The following MDGA2 variants were observed in gnomAD, a reference collection of about 807,000 sequenced individuals.
MDGA2 encodes MAM domain containing glycosylphosphatidylinositol anchor 2, also known as MAM domain-containing glycosylphosphatidylinositol anchor protein 2.
In MDGA2, 40 loss-of-function variants were observed where a neutral mutation model predicts 117.8. The ratio of observed to expected loss-of-function variants is 0.34; its 90% CI spans 0.26 to 0.44. The LOEUF (loss-of-function observed/expected upper bound fraction) is 0.44. Ranked by LOEUF, MDGA2 falls within the 20% of genes least tolerant of loss-of-function variation. The pLI is 1.00. For synonymous variants in MDGA2, 452 were observed against 439.0 expected, an observed-to-expected ratio of 1.03 and a Z score of -0.37; for missense variants, 1,123 against 1,250.6, an observed-to-expected ratio of 0.90 and a Z score of 1.54.
chr14:47,383,847 A>T (rs1017802550), intron 1 of MDGA2, among the ~76,000 whole-genome samples: 4 of 152,146 alleles, frequency 2.6e-5, no homozygotes, highest in Non-Finnish European at 5.9e-5. Flanking sequence ...TTGCTAATGC[A>T]CAAAGCACTC....
chr14:46,990,068 C>A (rs947069177), intron 8 of MDGA2, among the ~76,000 whole-genome samples: 5 of 152,074 alleles, frequency 3.3e-5, no homozygotes, highest in African/African-American at 7.2e-5. Flanking sequence ...AGGTTCAAAT[C>A]CAGACTTTAT....
intron 1 of MDGA2, among the ~76,000 whole-genome samples, chr14:47,474,779 A>G (rs1375989759): frequency 1.3e-5 from 2 of 152,212 alleles, no homozygotes; most frequent in Non-Finnish European, 2.9e-5. Flanking sequence ...CTGGCTAGCC[A>G]TATGCAGAAA....
At chr14:47,335,747 T>TACAC (rs1555374517) in intron 1 of MDGA2, among the ~76,000 whole-genome samples, 9 of 68,662 alleles carry the variant, frequency 1.3e-4, no homozygotes, top group East Asian at 4.2e-4. Context: ...TATATATATA[T>TACAC]ACATACATAC....
intron 1 of MDGA2, among the ~76,000 whole-genome samples, chr14:47,369,125 A>C (rs1457892326): frequency 6.6e-6 from 1 of 152,170 alleles, no homozygotes; most frequent in Non-Finnish European, 1.5e-5. Flanking sequence ...ACATACGTAG[A>C]TAGAAAACAT....
At chr14:47,402,357 A>AAAG (rs370022080) in intron 1 of MDGA2, among the ~76,000 whole-genome samples, 150 of 137,880 alleles carry the variant, frequency 1.1e-3, no homozygotes, top group African/African-American at 3.6e-3. Flanking sequence ...CCGCAAAAAA[A>AAAG]AGAGAGAGAG....
intron 2 of MDGA2, among the ~76,000 whole-genome samples, chr14:47,281,658 A>AT: frequency 6.6e-6 from 1 of 152,328 alleles, no homozygotes; most frequent in South Asian, 2.1e-4. Flanking sequence ...TTTAGCAGTC[A>AT]TTGATGATCA....
At chr14:47,428,455 A>T (rs1166351875) in intron 1 of MDGA2, among the ~76,000 whole-genome samples, 1 of 152,122 alleles carries the variant, frequency 6.6e-6, no homozygotes, top group Non-Finnish European at 1.5e-5. Context: ...CTACATAAAG[A>T]TTAATTTTCA....
chr14:47,402,682 T>C (rs1305315237), intron 1 of MDGA2, among the ~76,000 whole-genome samples: 3 of 152,194 alleles, frequency 2.0e-5, no homozygotes, highest in Non-Finnish European at 2.9e-5. Flanking sequence ...TTGTATAGCA[T>C]TATGTAGTTT....
In MDGA2 at chr14:47,002,565, T is replaced by C. The variant is rs139468995; in HGVS notation, c.1819+32446A>G. Reference sequence around the variant, plus strand: ...CAATATGGCAAAACCCTGTCTCTAATAAACAGAAAAAAAATTAGCCAGGCA... The same window carrying C: ...CAATATGGCAAAACCCTGTCTCTAACAAACAGAAAAAAAATTAGCCAGGCA... On this transcript the variant is annotated intron_variant, in intron 8 of 16. Transcript: ENST00000399232. 2.6e-4 allele frequency among the ~76,000 whole-genome samples: 39 copies of C among 151,930 alleles called. No homozygotes were observed. The East Asian group carries it at 6.8e-3, about 27-fold the overall frequency.
At chr14:46,885,307 G>C (rs886774368) in intron 10 of MDGA2, among the ~76,000 whole-genome samples, 3 of 152,026 alleles carry the variant, frequency 2.0e-5, no homozygotes, top group African/African-American at 7.2e-5. Context: ...ACAAGCCAGA[G>C]GTTTGAAGAA....
At position 46,881,065 on chromosome 14, in the gene MDGA2, T is replaced by C. The variant is rs374437476; in HGVS notation, c.2416+979A>G. On this transcript the variant is annotated intron_variant, in intron 11 of 16. Transcript: ENST00000399232. ...ACAAACATTTAGCATTTTTTAACAT[T>C]AGCAATATGAAAAATGAATGGCCAC... 4.7e-5 allele frequency among the ~76,000 whole-genome samples: 7 copies of C among 148,740 alleles called. No homozygotes were observed. In the South Asian group the frequency reaches 8.4e-4, roughly 18 times the overall value.
intron 1 of MDGA2, among the ~76,000 whole-genome samples, chr14:47,433,291 C>T (rs1892835444): frequency 6.6e-6 from 1 of 151,938 alleles, no homozygotes; most frequent in Non-Finnish European, 1.5e-5. Flanking sequence ...CTTCCTTCTA[C>T]TTGGTTTCTT....
chr14:47,051,845 G>A (rs964611448), intron 7 of MDGA2, among the ~76,000 whole-genome samples: 31 of 151,880 alleles, frequency 2.0e-4, no homozygotes, highest in Non-Finnish European at 4.0e-4. Flanking sequence ...TGGTAGGTTA[G>A]TAGTGTCATC....
Position 47,257,240 on chromosome 14 carries a change from C to T in MDGA2, c.421-39045G>A, listed in dbSNP as rs571291649. Among the ~76,000 whole-genome samples, 35 of 152,282 alleles carry T rather than the reference C, an allele frequency of 2.3e-4. No homozygotes were observed. The South Asian group carries it at 6.6e-3, about 29-fold the overall frequency. On this transcript the variant is annotated intron_variant, in intron 2 of 16. Transcript: ENST00000399232. ...CTTGCTTGTCAGATCTTATCTCCTA[C>T]ACTCTCATAGCCCACACCAGTCCTC...
chr14:47,286,819 A>ATATATG (rs1425896007), intron 2 of MDGA2, among the ~76,000 whole-genome samples: 1 of 118,190 alleles, frequency 8.5e-6, no homozygotes, highest in African/African-American at 2.8e-5. Context: ...ATATATATAT[A>ATATATG]TATATACATA....
chr14:47,365,019 T>G (rs1011516956), intron 1 of MDGA2, among the ~76,000 whole-genome samples: 82 of 152,336 alleles, frequency 5.4e-4, no homozygotes, highest in African/African-American at 1.9e-3. Context: ...TTTAAGTCAA[T>G]TTGAAGAAAA....
At chr14:46,853,025 A>G (rs1236814381) in intron 15 of MDGA2, among the ~76,000 whole-genome samples, 1 of 152,010 alleles carries the variant, frequency 6.6e-6, no homozygotes, top group African/African-American at 2.4e-5. Context: ...CCAAGAACTT[A>G]TACAGATATT....
At chr14:47,189,436 C>G (rs1885029857) in intron 3 of MDGA2, among the ~76,000 whole-genome samples, 1 of 152,112 alleles carries the variant, frequency 6.6e-6, no homozygotes, top group South Asian at 2.1e-4. Context: ...TTAAGTACCT[C>G]TGCTTAAGAA....
intron 14 of MDGA2, among the ~76,000 whole-genome samples, chr14:46,857,774 C>T (rs927797280): frequency 6.6e-6 from 1 of 152,112 alleles, no homozygotes; most frequent in Non-Finnish European, 1.5e-5. Flanking sequence ...CCCACCTCAG[C>T]TTCCAAAGTA....
Sources: gnomAD v4.1 joint callset for allele counts (sites outside exome capture counted in the v4.1 genomes callset) on GRCh38, gnomAD v4.1.1 for gene constraint, MANE v1.5 for transcripts, NCBI Gene and HGNC (gene_info 2026-07-23, HGNC 2026-07-21) for gene names.